The following LRP1B variants were observed in gnomAD, a reference collection of about 807,000 sequenced individuals.
LRP1B encodes the protein low-density lipoprotein receptor-related protein 1B.
Under a neutral mutation model 556.6 loss-of-function variants are expected in LRP1B, and 217 were observed. The observed-to-expected ratio is 0.39, with a 90% CI of 0.35 to 0.44. The LOEUF (loss-of-function observed/expected upper bound fraction) is 0.44. LRP1B is among the 20% of genes least tolerant of loss of function. LRP1B has a pLI of 1.00. For synonymous variants in LRP1B, 2,047 were observed against 1,865.8 expected, an observed-to-expected ratio of 1.10 and a Z score of -2.50; for missense variants, 5,053 against 5,620.8, an observed-to-expected ratio of 0.90 and a Z score of 3.23.
chr2:141,573,454 G>T (rs1686609074), intron 2 of LRP1B, among the ~76,000 whole-genome samples: 1 of 152,016 alleles, frequency 6.6e-6, no homozygotes, highest in Non-Finnish European at 1.5e-5. Context: ...AGTGTTAGGA[G>T]GGAAATTTAT....
chr2:141,046,489 A>G (rs1418706851), intron 11 of LRP1B, among the ~76,000 whole-genome samples: 1 of 152,212 alleles, frequency 6.6e-6, no homozygotes, highest in Non-Finnish European at 1.5e-5. Flanking sequence ...AATAAAAGAT[A>G]TTAAGCTGTT....
chr2:140,924,095 T>C (rs1472380985), intron 20 of LRP1B, among the ~76,000 whole-genome samples: 1 of 152,020 alleles, frequency 6.6e-6, no homozygotes, highest in Non-Finnish European at 1.5e-5. Context: ...TAGCAATTAA[T>C]GTATAAGCTA....
At chr2:140,686,784 A>G (rs1686066466) in intron 41 of LRP1B, among the ~76,000 whole-genome samples, 1 of 152,044 alleles carries the variant, frequency 6.6e-6, no homozygotes, top group Admixed American at 6.6e-5. Flanking sequence ...GAAGGAAAAT[A>G]TGTCCATCGA....
At chr2:140,972,247 CTAAAATA>C (rs763097126) in intron 18 of LRP1B, among the ~76,000 whole-genome samples, 5 of 152,028 alleles carry the variant, frequency 3.3e-5, no homozygotes, top group African/African-American at 1.2e-4. Flanking sequence ...ATTAAGTAAG[CTAAAATA>C]TAAAAGTATG....
intron 32 of LRP1B, among the ~76,000 whole-genome samples, chr2:140,811,756 TA>T (rs141268829): frequency 0.024 from 3,578 of 152,138 alleles, 75 homozygotes; most frequent in South Asian, 0.1. Context: ...TTCTGTTTTT[TA>T]AAAAAAGTCA....
At chr2:141,140,894 A>G (rs34217176) in intron 7 of LRP1B, among the ~76,000 whole-genome samples, 7,220 of 152,166 alleles carry the variant, frequency 0.047, 255 homozygotes, top group Non-Finnish European at 0.078. Context: ...AAGCACTTAT[A>G]TAAATTTAAT....
rs192575614 is a variant in LRP1B at position 141,057,770 on chromosome 2, C to T, written c.1408+1113G>A. Among the ~76,000 whole-genome samples the T allele has an allele frequency of 4.9e-3, 743 of 151,870 alleles. 7 individuals carry two copies. The highest frequency in any genetic ancestry group is 0.017 in the African/African-American group (696 of 41,488). On this transcript the variant is annotated intron_variant, in intron 9 of 90. Coordinates refer to ENST00000389484, the MANE Select transcript of LRP1B (RefSeq NM_018557.3). The stretch of plus-strand genomic sequence containing the variant: ...TTTGTAAATTGCCCAGTCTTGGGTA[C>T]GTCTTTATCAGCAGTGTGAAAACCG...
chr2:140,703,613 T>C (rs1419951682), intron 37 of LRP1B, among the ~76,000 whole-genome samples: 1 of 152,170 alleles, frequency 6.6e-6, no homozygotes, highest in Non-Finnish European at 1.5e-5. Context: ...TATCTTTTTC[T>C]AGTTCTTAGA....
At chr2:140,264,505 C>T (rs896166823) in intron 86 of LRP1B, among the ~76,000 whole-genome samples, 7 of 152,096 alleles carry the variant, frequency 4.6e-5, no homozygotes, top group Non-Finnish European at 7.4e-5. Flanking sequence ...CCGCCCACCT[C>T]GGCATCCCAA....
At chr2:141,408,701 G>A (rs1234996146) in intron 3 of LRP1B, among the ~76,000 whole-genome samples, 2 of 149,198 alleles carry the variant, frequency 1.3e-5, no homozygotes, top group Non-Finnish European at 3.0e-5. Flanking sequence ...ATCTCTAATG[G>A]GTTACTCTAT....
chr2:140,383,291 TGC>T (rs963225104), intron 67 of LRP1B, among the ~76,000 whole-genome samples: 123 of 139,336 alleles, frequency 8.8e-4, no homozygotes, highest in African/African-American at 3.2e-3. Context: ...GACAGTGATG[TGC>T]GTGTGTGTGT....
chr2:141,856,696 A>G (rs1448492937), intron 1 of LRP1B, among the ~76,000 whole-genome samples: 2 of 152,146 alleles, frequency 1.3e-5, no homozygotes, highest in Non-Finnish European at 2.9e-5. Flanking sequence ...GCACATTAGA[A>G]GAGAGAATGT....
At chr2:141,496,509 A>T (rs1683513370) in intron 2 of LRP1B, among the ~76,000 whole-genome samples, 1 of 152,084 alleles carries the variant, frequency 6.6e-6, no homozygotes, top group South Asian at 2.1e-4. Context: ...CGTTCATTGA[A>T]ATCGAGCTCC....
intron 2 of LRP1B, among the ~76,000 whole-genome samples, chr2:141,750,782 A>G (rs987247824): frequency 6.6e-6 from 1 of 152,252 alleles, no homozygotes; most frequent in East Asian, 1.9e-4. Context: ...CCTTTTATCT[A>G]TATTCTTTAT....
intron 35 of LRP1B, among the ~76,000 whole-genome samples, chr2:140,759,995 C>G (rs1559101796): frequency 6.7e-6 from 1 of 149,970 alleles, no homozygotes; most frequent in Non-Finnish European, 1.5e-5. Context: ...TATCATGAAG[C>G]CTTTTCCAGA....
intron 29 of LRP1B, among the ~76,000 whole-genome samples, chr2:140,843,791 C>G (rs1280901725): frequency 3.3e-5 from 5 of 152,140 alleles, no homozygotes; most frequent in Non-Finnish European, 7.4e-5. Context: ...CCTGGTCAAT[C>G]TCTTTTTACC....
intron 7 of LRP1B, among the ~76,000 whole-genome samples, chr2:141,181,750 G>T (rs1427967786): frequency 6.3e-4 from 95 of 151,834 alleles, no homozygotes; most frequent in Non-Finnish European, 1.6e-4. Flanking sequence ...CATTGTAATA[G>T]AGATATAATT....
At chr2:141,668,537 G>C (rs555651468) in intron 2 of LRP1B, among the ~76,000 whole-genome samples, 1 of 152,298 alleles carries the variant, frequency 6.6e-6, no homozygotes, top group African/African-American at 2.4e-5. Context: ...ATCGAGAGGA[G>C]TGTGACTGTG....
chr2:141,780,275 AAGT>A (rs1695211049), intron 2 of LRP1B, among the ~76,000 whole-genome samples: 3 of 151,974 alleles, frequency 2.0e-5, no homozygotes, highest in African/African-American at 7.3e-5. Flanking sequence ...AGATGTTAAA[AAGT>A]AGTAGTTTTA....
Sources: gnomAD v4.1 joint callset for allele counts (sites outside exome capture counted in the v4.1 genomes callset) on GRCh38, gnomAD v4.1.1 for gene constraint, MANE v1.5 for transcripts, NCBI Gene and HGNC (gene_info 2026-07-23, HGNC 2026-07-21) for gene names.